The following IFT122 variants were observed in gnomAD, a reference collection of about 807,000 sequenced individuals.
IFT122 encodes the protein intraflagellar transport protein 122 homolog.
A neutral mutation model predicts 161.6 loss-of-function variants in IFT122; 118 were observed. The ratio of observed to expected loss-of-function variants is 0.73; its 90% confidence interval spans 0.63 to 0.85. The LOEUF (loss-of-function observed/expected upper bound fraction) is 0.85, where lower values mean the gene tolerates loss of function less well. Ranked by LOEUF, IFT122 falls within the 40% of genes least tolerant of loss-of-function variation. The probability of loss-of-function intolerance (pLI) is 0.00; values close to 1 mark genes in which losing one functional copy is unlikely to be tolerated. For missense variants in IFT122, 1,381 were observed against 1,579.6 expected (o/e 0.87, Z 2.13); for synonymous variants, 550 against 602.4 (o/e 0.91, Z 1.27).
At chr3:129,467,414 A>G (rs1472321915) in intron 8 of IFT122, among the ~76,000 whole-genome samples, 1 of 151,416 alleles carries the variant, frequency 6.6e-6, no homozygotes, top group African/African-American at 2.4e-5. Flanking sequence ...TTTTTTTTTC[A>G]CTTAACATTA....
At position 129,464,763 on chromosome 3, in the gene IFT122, T is replaced by C. The variant is rs1442010986; in HGVS notation, c.545T>C (p.Ile182Thr). ...PGGSLSPIWS[I>T]CWNPSSRWES... Reference sequence around the variant, plus strand: ...GGCTCCCTCTCGCCAATATGGTCCATCTGCTGGAACCCTTCAAGGTACTCT... The same window carrying C: ...GGCTCCCTCTCGCCAATATGGTCCACCTGCTGGAACCCTTCAAGGTACTCT... Residue 182 changes from isoleucine (I) to threonine (T), a missense_variant, in exon 7 of 30, where the codon ATC becomes ACC. Physicochemically the swap from Ile to Thr is moderately conservative, Grantham distance 89 (BLOSUM62 -1). Transcript: ENST00000348417. The C allele has an allele frequency of 3.7e-6, 6 of 1,614,146 alleles. No individual in the cohort carries two copies. Among genetic ancestry groups the C allele is most frequent in the Non-Finnish European group, 5.1e-6 (6 of 1,180,026 alleles).
intron 25 of IFT122, chr3:129,515,046 G>A (rs902898590): frequency 5.4e-6 from 2 of 370,372 alleles, no homozygotes; most frequent in Non-Finnish European, 1.0e-5. Flanking sequence ...AGACAGACCT[G>A]GGTTCACATC....
intron 18 of IFT122, among the ~76,000 whole-genome samples, chr3:129,496,539 A>G (rs2080868213): frequency 6.6e-6 from 1 of 152,110 alleles, no homozygotes; most frequent in Admixed American, 6.5e-5. Context: ...CAAGATGGAA[A>G]ATCTTCCCCA....
At chr3:129,503,141 C>T (rs944562534) in intron 20 of IFT122, among the ~76,000 whole-genome samples, 2 of 152,146 alleles carry the variant, frequency 1.3e-5, no homozygotes, top group South Asian at 2.1e-4. Flanking sequence ...TGACAGGCAC[C>T]GGGGATGTTA....
At chr3:129,514,258 T>C in intron 24 of IFT122, 131 bp from the exon 25 acceptor site, 1 of 980,372 alleles carries the variant, frequency 1.0e-6, no homozygotes, top group Non-Finnish European at 1.6e-6. Flanking sequence ...AGAGCCTTCC[T>C]CACGGTCTTT....
At chr3:129,441,979 A>G (rs1285939306) in intron 1 of IFT122, among the ~76,000 whole-genome samples, 2 of 152,200 alleles carry the variant, frequency 1.3e-5, no homozygotes, top group East Asian at 3.8e-4. Flanking sequence ...AGCTCCTGCC[A>G]ATTACCACCA....
At chr3:129,511,746 C>T (rs1560005375) in intron 23 of IFT122, among the ~76,000 whole-genome samples, 1 of 152,198 alleles carries the variant, frequency 6.6e-6, no homozygotes, top group South Asian at 2.1e-4. Flanking sequence ...AGTTGAGGAA[C>T]TCCGCATGTG....
intron 23 of IFT122, among the ~76,000 whole-genome samples, 160 bp downstream of exon 23, chr3:129,507,922 TTTGA>T (rs1448322774): frequency 3.5e-4 from 53 of 152,346 alleles, no homozygotes; most frequent in Admixed American, 6.5e-5. Flanking sequence ...TTTGAGTTTC[TTTGA>T]TTGACTGTTT....
At position 129,489,836 on chromosome 3, in the gene IFT122, C is replaced by CT. The variant is rs1157523552; in HGVS notation, c.1992+1441dup. Among the ~76,000 whole-genome samples, 6 of 120,506 alleles carry CT rather than the reference C, an allele frequency of 5.0e-5. No homozygotes were observed. In the Admixed American group the frequency reaches 5.3e-4, roughly 11 times the overall value. The allele number at this position is 120,506 out of a possible 152,430, so 79.1% of individuals were successfully genotyped here. A position where few individuals can be genotyped will look rare whatever the true frequency, so the allele number is the denominator to read the frequency against. ...CCTGGGCCATAGAGCAAGACTCTGA[C>CT]TTAAAAAAAAAAAAAAAAAAGAATT... is the stretch of plus-strand genomic sequence containing the variant. On this transcript the variant is annotated intron_variant, in intron 16 of 29. Coordinates refer to ENST00000348417, the MANE Select transcript of IFT122 (RefSeq NM_052989.3).
rs547097135 is a variant in IFT122, at chr3:129,446,317, C to T, written c.42-3554C>T. The stretch of plus-strand genomic sequence containing the variant: ...TCAGCTCACTGCAAGCTCCACCTTC[C>T]GGGTTCACGCCATTCTCCTGCCTCA... On this transcript the variant is annotated intron_variant, in intron 1 of 29. Transcript: ENST00000348417. 8.6e-5 allele frequency among the ~76,000 whole-genome samples: 13 copies of T among 152,002 alleles called. No homozygotes were observed. The South Asian group carries it at 1.5e-3, about 17-fold the overall frequency.
At chr3:129,505,995 A>G (rs2082151347) in intron 21 of IFT122, among the ~76,000 whole-genome samples, 1 of 152,192 alleles carries the variant, frequency 6.6e-6, no homozygotes, top group Admixed American at 6.5e-5. Flanking sequence ...GTGATTAGCA[A>G]CAAAAGCATT....
Position 129,507,818 on chromosome 3 carries a change from C to T in IFT122, c.2886+56C>T, listed in dbSNP as rs184991718. ...GTACCATCTCCTGAGCTAGGGGTCCCGGGCATATCTAAAGAGCAGCAGACT... is the reference window on the plus strand; with the variant it reads ...GTACCATCTCCTGAGCTAGGGGTCCTGGGCATATCTAAAGAGCAGCAGACT... On this transcript the variant is annotated intron_variant, in intron 23 of 29. Coordinates refer to ENST00000348417, the MANE Select transcript of IFT122 (RefSeq NM_052989.3). The T allele has an allele frequency of 2.1e-4, 279 of 1,302,998 alleles. 1 individual carries two copies. In the East Asian group the frequency reaches 5.7e-3, roughly 27 times the overall value. 80.7% of individuals were successfully genotyped at this position (1,302,998 alleles called of 1,614,324 possible). A position where few individuals can be genotyped will look rare whatever the true frequency, so the allele number is the denominator to read the frequency against.
At chr3:129,461,093 C>A in intron 4 of IFT122, 135 bp from the exon 5 acceptor site, 1 of 946,972 alleles carries the variant, frequency 1.1e-6, no homozygotes, top group Non-Finnish European at 1.7e-6. Context: ...AATTTCTGTG[C>A]TTTTTGTTGG....
chr3:129,476,507 G>T lies in IFT122; in HGVS notation c.1008+1G>T. 6.2e-7 allele frequency: 1 copy of T among 1,614,124 alleles called. No individual in the cohort carries two copies. Among genetic ancestry groups the T allele is most frequent in the Non-Finnish European group, 8.5e-7 (1 of 1,180,032 alleles). ...AGCGAAACCGGATTCCAACTATGTG[G>T]TAAGAAGAGAAAGTTTGTTCTGTGG... On this transcript the variant is annotated splice_donor_variant, in intron 10 of 29. Coordinates refer to ENST00000348417, the MANE Select transcript of IFT122 (RefSeq NM_052989.3). LOFTEE classifies it high-confidence loss of function.
chr3:129,464,710 G>C lies in IFT122; in HGVS notation c.492G>C (p.Glu164Asp). ...GIISIRNKNG[E>D]EKVKIERPGG... ...TCAGCATACGGAACAAAAATGGCGA[G>C]GAGAAAGTAAAGATCGAGCGGCCGG... Residue 164 changes from glutamate (E) to aspartate (D), a missense_variant, in exon 7 of 30, where the codon GAG becomes GAC. Glu to Asp is a conservative substitution (Grantham distance 45). Around this residue, in one of 7 missense-constraint regions of IFT122, gnomAD observed 544 missense variants for 648.0 expected, o/e 0.84. Coordinates refer to ENST00000348417, the MANE Select transcript of IFT122 (RefSeq NM_052989.3). 1 of 1,614,104 alleles carries C rather than the reference G, an allele frequency of 6.2e-7. No homozygotes were observed. Among genetic ancestry groups the C allele is most frequent in the Non-Finnish European group, 8.5e-7 (1 of 1,180,030 alleles).
intron 1 of IFT122, among the ~76,000 whole-genome samples, chr3:129,442,582 A>AC (rs1257716094): frequency 3.2e-5 from 4 of 126,712 alleles, no homozygotes; most frequent in East Asian, 2.2e-4. Context: ...AACTAAACAA[A>AC]AAAAAAAAAG....
rs2082326761 is a variant in IFT122 at position 129,507,673 on chromosome 3, G to GC, written c.2800dup (p.Gln934ProfsTer39). On this transcript the variant is annotated frameshift_variant, in exon 23 of 30. Coordinates refer to ENST00000348417, the MANE Select transcript of IFT122 (RefSeq NM_052989.3). LOFTEE classifies it high-confidence loss of function. ...CCACCCGCTGCACACAGCAGATCCT[G>GC]CCCAGAAGGACACAATGCTTGGCAA... 1 of 1,614,004 alleles carries GC rather than the reference G, an allele frequency of 6.2e-7. No homozygotes were observed. Among genetic ancestry groups the GC allele is most frequent in the East Asian group, 2.2e-5 (1 of 44,874 alleles).
intron 9 of IFT122, 69 bp downstream of exon 9, chr3:129,469,486 C>G: frequency 8.4e-7 from 1 of 1,193,830 alleles, no homozygotes; most frequent in Non-Finnish European, 1.2e-6. Context: ...GATTCTGTTA[C>G]TATTAATTAT....
At chr3:129,496,726 G>A (rs929793688) in intron 18 of IFT122, among the ~76,000 whole-genome samples, 16 of 152,080 alleles carry the variant, frequency 1.1e-4, no homozygotes, top group African/African-American at 2.7e-4. Flanking sequence ...TCTTCACTCC[G>A]TACCTGAGAC....
Sources: allele counts gnomAD v4.1 joint callset (sites outside exome capture counted in the v4.1 genomes callset), GRCh38; gene constraint gnomAD v4.1.1; regional missense constraint gnomAD v4.1.1; transcripts MANE v1.5; gene names NCBI Gene and HGNC (gene_info 2026-07-23, HGNC 2026-07-21).